Variants in STAB2 observed in about 807,000 individuals in gnomAD.
STAB2 encodes stabilin-2.
In STAB2, 288 loss-of-function variants were observed where a neutral mutation model predicts 338.1. The ratio of observed to expected loss-of-function variants is 0.85; its 90% CI spans 0.77 to 0.94. STAB2 has a LOEUF of 0.94. Among genes scored for constraint, STAB2 ranks in the 40% least tolerant of loss-of-function variants. The pLI is 0.00. For missense variants in STAB2, 3,141 were observed against 3,210.1 expected, an observed-to-expected ratio of 0.98 and a Z score of 0.52; for synonymous variants, 1,202 against 1,193.3, an observed-to-expected ratio of 1.01 and a Z score of -0.15.
At chr12:103,742,268 C>A in intron 55 of STAB2, 137 bp from the exon 56 acceptor site, 5 of 1,122,864 alleles carry the variant, frequency 4.5e-6, no homozygotes, top group Non-Finnish European at 6.4e-6. Context: ...CAGTGACGTG[C>A]CTTAAATATC....
At chr12:103,633,608 G>C (rs984683383) in intron 6 of STAB2, among the ~76,000 whole-genome samples, 1 of 151,304 alleles carries the variant, frequency 6.6e-6, no homozygotes, top group African/African-American at 2.4e-5. Context: ...CTCGAACCCG[G>C]GAGGTGGAGG....
In STAB2 at chr12:103,692,880, C is replaced by T; in HGVS notation, c.3366C>T (p.Ile1122=). 5 of 1,613,054 alleles carry T rather than the reference C, an allele frequency of 3.1e-6. No homozygotes were observed. The highest frequency in any genetic ancestry group is 1.1e-5 in the South Asian group (1 of 91,016). Residue 1122 remains isoleucine, a synonymous_variant, in exon 31 of 69, where the codon ATC becomes ATT. Coordinates refer to ENST00000388887, the MANE Select transcript of STAB2 (RefSeq NM_017564.10). ...CAGCCACAAATGGAGTGATACACATCATCAACAAGGTACAAGATTCCATTC... is the reference window on the plus strand; with the variant it reads ...CAGCCACAAATGGAGTGATACACATTATCAACAAGGTACAAGATTCCATTC... ...DNAATNGVIH[I]INKVLVPQRR... is the part of the protein sequence containing the mutation.
intron 5 of STAB2, 89 bp from the exon 6 acceptor site, chr12:103,631,508 CA>C: frequency 3.9e-6 from 5 of 1,279,450 alleles, no homozygotes; most frequent in Non-Finnish European, 5.6e-6. Context: ...TGCAGAGTCT[CA>C]GCAAAGATGA....
intron 4 of STAB2, among the ~76,000 whole-genome samples, 156 bp downstream of exon 4, chr12:103,620,709 A>T (rs189253843): frequency 0.011 from 1,689 of 152,270 alleles, 27 homozygotes; most frequent in African/African-American, 0.038. Flanking sequence ...TTAATTTTTT[A>T]AAAATGTGCA....
intron 57 of STAB2, among the ~76,000 whole-genome samples, chr12:103,745,990 A>T (rs1310668323): frequency 6.6e-6 from 1 of 152,182 alleles, no homozygotes; most frequent in Non-Finnish European, 1.5e-5. Context: ...ACTGTCATTT[A>T]ATCCTCCCTG....
intron 54 of STAB2, among the ~76,000 whole-genome samples, chr12:103,739,785 A>C (rs1289340539): frequency 6.6e-6 from 1 of 152,200 alleles, no homozygotes; most frequent in Non-Finnish European, 1.5e-5. Context: ...TCCATGTCCC[A>C]GGCTCTGTGC....
At chr12:103,662,771 A>C (rs1874731670) in intron 17 of STAB2, 75 bp from the exon 18 acceptor site, 1 of 1,531,406 alleles carries the variant, frequency 6.5e-7, no homozygotes, top group South Asian at 1.3e-5. Context: ...GCCACCATTC[A>C]GTCTGCCTGA....
rs765684269 is a variant in STAB2 at position 103,737,726 on chromosome 12, G to A, written c.5643G>A (p.Leu1881=). The A allele has an allele frequency of 4.3e-6, 7 of 1,613,304 alleles. No homozygotes were observed. The highest frequency in any genetic ancestry group is 5.9e-6 in the Non-Finnish European group (7 of 1,179,876). Residue 1881 remains leucine (L), a synonymous_variant, in exon 53 of 69, where the codon CTG becomes CTA. Transcript: ENST00000388887. ...LGVAYGIDCL[L]IDPTLGGRCD... ...TGGCCTACGGCATTGACTGTCTGCT[G>A]ATTGATCCCACCCTGGGGGGCCGCT...
At chr12:103,721,240 A>G (rs1880738176) in intron 44 of STAB2, among the ~76,000 whole-genome samples, 1 of 152,204 alleles carries the variant, frequency 6.6e-6, no homozygotes. Context: ...TGATCAGACA[A>G]GGCCTCTCTG....
At position 103,590,955 on chromosome 12, in the gene STAB2, C is replaced by T. The variant is rs762922324; in HGVS notation, c.140C>T (p.Ala47Val). ...ATTAGGACCGAGTGCCGATCCTGCGCTCTCAACCTTGGAGTCAAGTGCCCG... is the reference window on the plus strand; with the variant it reads ...ATTAGGACCGAGTGCCGATCCTGCGTTCTCAACCTTGGAGTCAAGTGCCCG... ...LTIRTECRSC[A>V]LNLGVKCPDG... The change falls in exon 2 of 69, where the codon GCT becomes GTT. Residue 47 changes from alanine to valine, a missense_variant. Ala to Val is a moderately conservative substitution (Grantham distance 64, BLOSUM62 0). Transcript: ENST00000388887. 6.2e-6 allele frequency: 10 copies of T among 1,614,150 alleles called. No homozygotes were observed. The East Asian group carries it at 2.0e-4, about 32-fold the overall frequency.
intron 26 of STAB2, among the ~76,000 whole-genome samples, chr12:103,684,655 A>C (rs1179272991): frequency 6.6e-6 from 1 of 152,212 alleles, no homozygotes; most frequent in Non-Finnish European, 1.5e-5. Context: ...GTGTTGAAAA[A>C]TCTTTCAGCA....
intron 9 of STAB2, among the ~76,000 whole-genome samples, chr12:103,647,374 T>C (rs879878977): frequency 1.3e-4 from 20 of 152,206 alleles, no homozygotes; most frequent in Non-Finnish European, 2.4e-4. Context: ...CTTTCCTCAA[T>C]GTGAGTCACA....
At chr12:103,639,052 G>A (rs370186277) in intron 8 of STAB2, among the ~76,000 whole-genome samples, 1 of 152,262 alleles carries the variant, frequency 6.6e-6, no homozygotes, top group East Asian at 1.9e-4. Flanking sequence ...TTCTGCTATC[G>A]ATTTCTGGGG....
intron 52 of STAB2, 28 bp from the exon 53 acceptor site, chr12:103,737,595 TCTCTCTTTCTC>T (rs760318643): frequency 6.5e-5 from 90 of 1,389,998 alleles, no homozygotes; most frequent in Middle Eastern, 2.3e-4. Flanking sequence ...TCTCTCTCTC[TCTCTCTTTCTC>T]TTTTTTTTTT....
At chr12:103,742,632 G>C (rs1882679247) in intron 56 of STAB2, 78 bp downstream of exon 56, 1 of 1,586,630 alleles carries the variant, frequency 6.3e-7, no homozygotes, top group African/African-American at 1.3e-5. Context: ...CCATCTGCCT[G>C]ACCTGGAGGC....
At chr12:103,685,469 T>TGTGTGTGC in intron 27 of STAB2, among the ~76,000 whole-genome samples, 1 of 140,812 alleles carries the variant, frequency 7.1e-6, no homozygotes, top group Non-Finnish European at 1.6e-5. Context: ...TGCGTGTGTG[T>TGTGTGTGC]GTGCGTGCGC....
intron 22 of STAB2, among the ~76,000 whole-genome samples, chr12:103,671,316 G>A (rs1875763518): frequency 6.6e-6 from 1 of 152,140 alleles, no homozygotes; most frequent in Non-Finnish European, 1.5e-5. Context: ...GCAGGGTGTG[G>A]TGGCAGGTGC....
chr12:103,765,784 C>T (rs982468151), intron 68 of STAB2, among the ~76,000 whole-genome samples: 3 of 152,174 alleles, frequency 2.0e-5, no homozygotes, highest in South Asian at 2.1e-4. Flanking sequence ...TCAAGTGATC[C>T]GCCTGCCTCA....
chr12:103,684,493 TG>T (rs1877217347), intron 26 of STAB2, among the ~76,000 whole-genome samples: 1 of 152,236 alleles, frequency 6.6e-6, no homozygotes, highest in South Asian at 2.1e-4. Context: ...CTCACACTTC[TG>T]CTTGATTTAA....
Sources: allele counts gnomAD v4.1 joint callset (sites outside exome capture counted in the v4.1 genomes callset), GRCh38; gene constraint gnomAD v4.1.1; transcripts MANE v1.5; gene names NCBI Gene and HGNC (gene_info 2026-07-23, HGNC 2026-07-21).